Variants in ZNF268 observed in about 807,000 individuals in gnomAD.
ZNF268 encodes the protein zinc finger protein 3.
In ZNF268, 20 loss-of-function variants were observed where a neutral mutation model predicts 29.3. The ratio of observed to expected loss-of-function variants is 0.68; its 90% CI spans 0.48 to 0.99. ZNF268 has a LOEUF of 0.99. Ranked by LOEUF, ZNF268 falls within the 50% of genes least tolerant of loss-of-function variation. The pLI, the probability that ZNF268 is intolerant of heterozygous loss-of-function variation, is 0.00. For synonymous variants in ZNF268, 429 were observed against 376.9 expected, an observed-to-expected ratio of 1.14 and a Z score of -1.60; for missense variants, 1,240 against 1,121.6, an observed-to-expected ratio of 1.11 and a Z score of -1.51.
In ZNF268 at chr12:133,205,408, A is replaced by T. The variant is rs1291422131; in HGVS notation, c.*878A>T. On this transcript the variant is annotated 3_prime_UTR_variant, in exon 6 of 6. Transcript: ENST00000536435. ...GATATTTAGATATCTTCCTATGTGT[A>T]CTACATAATATGAATTTTGCAGTTT... The T allele has an allele frequency of 6.6e-6, 1 of 152,132 alleles. No individual in the cohort carries two copies. Among genetic ancestry groups the T allele is most frequent in the Non-Finnish European group, 1.5e-5 (1 of 68,016 alleles). The allele number at this position is 152,132 out of a possible 1,614,324, so 9.4% of individuals were successfully genotyped here.
rs1956858249 is a variant in ZNF268, at chr12:133,204,800, A to C, written c.*270A>C. The C allele has an allele frequency of 2.8e-6, 1 of 355,922 alleles. No homozygotes were observed. The highest frequency in any genetic ancestry group is 6.8e-5 in the South Asian group (1 of 14,770). The allele number at this position is 355,922 out of a possible 1,614,324, so 22.0% of individuals were successfully genotyped here. On this transcript the variant is annotated 3_prime_UTR_variant, in exon 6 of 6. Coordinates refer to ENST00000536435, the MANE Select transcript of ZNF268 (RefSeq NM_003415.3). The stretch of plus-strand genomic sequence containing the variant: ...ATACCTTTTTTTAAAAAGTTCATAC[A>C]GGTGAGGAACCATGTTAAACGTTGT...
Position 133,205,175 on chromosome 12 carries a change from C to CAAAAAAAAAAAAAA in ZNF268, c.*647_*648insAAAAAAAAAAAAAA, listed in dbSNP as rs1343948566. The stretch of plus-strand genomic sequence containing the variant: ...AAAAAAAAAAAAAAAAAAAAAAAAC[C>CAAAAAAAAAAAAAA]AACCTGTTATTATATCTTAATATTA... On this transcript the variant is annotated 3_prime_UTR_variant, in exon 6 of 6. Coordinates refer to ENST00000536435, the MANE Select transcript of ZNF268 (RefSeq NM_003415.3). 6.9e-4 allele frequency: 15 copies of CAAAAAAAAAAAAAA among 21,798 alleles called. No homozygotes were observed. The South Asian group carries it at 8.2e-3, about 12-fold the overall frequency. 1.4% of individuals were successfully genotyped at this position (21,798 alleles called of 1,614,324 possible).
Position 133,203,293 on chromosome 12 carries a change from C to G in ZNF268, c.1607C>G (p.Ala536Gly), listed in dbSNP as rs1323637005. ...KLHECNNCGK[A>G]FSFKSQLIIH... ...CATGAATGCAACAATTGTGGGAAAGCCTTCAGTTTTAAATCACAGCTCATT... is the reference window on the plus strand; with the variant it reads ...CATGAATGCAACAATTGTGGGAAAGGCTTCAGTTTTAAATCACAGCTCATT... The change falls in exon 6 of 6, where the codon GCC becomes GGC. Residue 536 changes from alanine (A) to glycine (G), a missense_variant. This residue lies in a region of ZNF268 where 1,177 missense variants were observed against 1,039.6 expected (regional missense o/e 1.13). Transcript: ENST00000536435. The G allele has an allele frequency of 6.5e-7, 1 of 1,540,046 alleles. No homozygotes were observed. The highest frequency in any genetic ancestry group is 1.4e-5 in the African/African-American group (1 of 72,970).
chr12:133,196,689 T>A (rs1390333406), intron 5 of ZNF268, among the ~76,000 whole-genome samples: 1 of 152,216 alleles, frequency 6.6e-6, no homozygotes, highest in Non-Finnish European at 1.5e-5. Flanking sequence ...ACTGGCCTAT[T>A]TTCATTTTGT....
Position 133,207,279 on chromosome 12 carries a change from C to A in ZNF268, c.*2749C>A, listed in dbSNP as rs1350144727. ...AATAGAAATTTAGGAGAAAAAATGACTTGCAAACCATATTTGTGAACATAG... is the reference window on the plus strand; with the variant it reads ...AATAGAAATTTAGGAGAAAAAATGAATTGCAAACCATATTTGTGAACATAG... On this transcript the variant is annotated 3_prime_UTR_variant, in exon 6 of 6. Transcript: ENST00000536435. 1 of 151,518 alleles carries A rather than the reference C, an allele frequency of 6.6e-6. No homozygotes were observed. Among genetic ancestry groups the A allele is most frequent in the Non-Finnish European group, 1.5e-5 (1 of 67,980 alleles). 9.4% of individuals were successfully genotyped at this position (151,518 alleles called of 1,614,324 possible).
intron 5 of ZNF268, 48 bp downstream of exon 5, chr12:133,192,051 A>G (rs1956488743): frequency 6.7e-7 from 1 of 1,484,108 alleles, no homozygotes; most frequent in Non-Finnish European, 9.3e-7. Flanking sequence ...AATTAGCATG[A>G]ATTCCAATGT....
At position 133,211,080 on chromosome 12, in the gene ZNF268, A is replaced by G. The variant is rs1339901450; in HGVS notation, c.*6550A>G. 1 of 451,772 alleles carries G rather than the reference A, an allele frequency of 2.2e-6. No homozygotes were observed. The highest frequency in any genetic ancestry group is 2.0e-5 in the African/African-American group (1 of 49,980). 28.0% of individuals were successfully genotyped at this position (451,772 alleles called of 1,614,324 possible). A position where few individuals can be genotyped will look rare whatever the true frequency, so the allele number is the denominator to read the frequency against. ...GGAATGGATAGAGATAATAAAAGGCAAAGTAGATGGCCATAGACAAAAGTC... is the reference window on the plus strand; with the variant it reads ...GGAATGGATAGAGATAATAAAAGGCGAAGTAGATGGCCATAGACAAAAGTC... On this transcript the variant is annotated 3_prime_UTR_variant, in exon 6 of 6. Coordinates refer to ENST00000536435, the MANE Select transcript of ZNF268 (RefSeq NM_003415.3).
chr12:133,200,855 T>A (rs1253515998), intron 5 of ZNF268, among the ~76,000 whole-genome samples: 1 of 152,090 alleles, frequency 6.6e-6, no homozygotes, highest in Non-Finnish European at 1.5e-5. Context: ...CTTTCTCCCC[T>A]AATGATTGCT....
chr12:133,189,587 A>C (rs1037525368), intron 3 of ZNF268, among the ~76,000 whole-genome samples: 2 of 152,286 alleles, frequency 1.3e-5, no homozygotes, highest in Non-Finnish European at 1.5e-5. Flanking sequence ...TGTATTGACC[A>C]TGTATCCTGT....
In ZNF268 at chr12:133,212,333, A is replaced by C. The variant is rs1294302126; in HGVS notation, c.*7803A>C. On this transcript the variant is annotated 3_prime_UTR_variant, in exon 6 of 6. Transcript: ENST00000536435. ...GTGTGTGGAAGAGCCTGGGATGTAT[A>C]ATGCCAGCATGAACAAAAAGGCCAC... The C allele has an allele frequency of 6.6e-6, 1 of 151,416 alleles. No individual in the cohort carries two copies. The highest frequency in any genetic ancestry group is 2.1e-4 in the South Asian group (1 of 4,802). The allele number at this position is 151,416 out of a possible 1,614,324, so 9.4% of individuals were successfully genotyped here. A position where few individuals can be genotyped will look rare whatever the true frequency, so the allele number is the denominator to read the frequency against.
At chr12:133,198,896 A>G (rs1956682995) in intron 5 of ZNF268, among the ~76,000 whole-genome samples, 1 of 147,554 alleles carries the variant, frequency 6.8e-6, no homozygotes, top group Non-Finnish European at 1.5e-5. Context: ...GTATCCTGAG[A>G]CTTTGCTGAA....
At chr12:133,193,564 C>CA in intron 5 of ZNF268, 5 of 632,600 alleles carry the variant, frequency 7.9e-6, no homozygotes, top group East Asian at 2.8e-5. Flanking sequence ...GAAAGAGGGG[C>CA]AAAAAAGGCC....
rs867948449 is a variant in ZNF268, at chr12:133,212,481, A to G, written c.*7951A>G. 1.6e-3 allele frequency: 30 copies of G among 19,170 alleles called. No individual in the cohort carries two copies. The highest frequency in any genetic ancestry group is 7.9e-3 in the African/African-American group (23 of 2,908). 1.2% of individuals were successfully genotyped at this position (19,170 alleles called of 1,614,324 possible). On this transcript the variant is annotated 3_prime_UTR_variant, in exon 6 of 6. Coordinates refer to ENST00000536435, the MANE Select transcript of ZNF268 (RefSeq NM_003415.3). ...TATATATATATATATATATATATAT[A>G]TATATATATATATATATGTATATAT...
At chr12:133,200,875 A>G (rs190182382) in intron 5 of ZNF268, among the ~76,000 whole-genome samples, 1 of 152,158 alleles carries the variant, frequency 6.6e-6, no homozygotes, top group Admixed American at 6.6e-5. Flanking sequence ...TCAGTATAGA[A>G]AGGTAATTTA....
At chr12:133,186,765 A>G (rs1956328158) in intron 2 of ZNF268, among the ~76,000 whole-genome samples, 1 of 152,194 alleles carries the variant, frequency 6.6e-6, no homozygotes, top group Non-Finnish European at 1.5e-5. Flanking sequence ...AACTATTGAT[A>G]TGTGCTATGA....
chr12:133,204,827 A>G lies in ZNF268; in HGVS notation c.*297A>G. 1 of 269,314 alleles carries G rather than the reference A, an allele frequency of 3.7e-6. No homozygotes were observed. The highest frequency in any genetic ancestry group is 6.9e-6 in the Non-Finnish European group (1 of 144,034). 16.7% of individuals were successfully genotyped at this position (269,314 alleles called of 1,614,324 possible). A position where few individuals can be genotyped will look rare whatever the true frequency, so the allele number is the denominator to read the frequency against. ...GTGAGGAACCATGTTAAACGTTGTA[A>G]AGTCATTTTACTAAAATAAGATTCA... On this transcript the variant is annotated 3_prime_UTR_variant, in exon 6 of 6. Transcript: ENST00000536435.
chr12:133,186,838 T>G (rs1956330860), intron 2 of ZNF268, among the ~76,000 whole-genome samples: 1 of 152,208 alleles, frequency 6.6e-6, no homozygotes, highest in South Asian at 2.1e-4. Flanking sequence ...GACTAGATAT[T>G]ATATGATCCC....
At chr12:133,188,291 G>T (rs1956375244) in intron 3 of ZNF268, 8 of 522,324 alleles carry the variant, frequency 1.5e-5, no homozygotes, top group Admixed American at 3.6e-5. Flanking sequence ...CAAACTCCAG[G>T]CTCAAGTGAT....
intron 3 of ZNF268, among the ~76,000 whole-genome samples, chr12:133,190,638 A>G (rs1038533020): frequency 6.6e-6 from 1 of 152,216 alleles, no homozygotes; most frequent in South Asian, 2.1e-4. Flanking sequence ...TACTTACAGC[A>G]GTTACCTTTT....
Sources: allele counts gnomAD v4.1 joint callset (sites outside exome capture counted in the v4.1 genomes callset), GRCh38; gene constraint gnomAD v4.1.1; regional missense constraint gnomAD v4.1.1; transcripts MANE v1.5; gene names NCBI Gene and HGNC (gene_info 2026-07-23, HGNC 2026-07-21).